SBF1: variants seen among roughly 807,000 people sequenced by gnomAD.
SBF1 encodes myotubularin-related protein 5.
In SBF1, 65 loss-of-function variants were observed where a neutral mutation model predicts 215.8. The ratio of observed to expected loss-of-function variants is 0.30; its 90% confidence interval spans 0.25 to 0.37. The LOEUF (loss-of-function observed/expected upper bound fraction) is 0.37. Ranked by LOEUF, SBF1 falls within the 10% of genes least tolerant of loss-of-function variation. The probability of loss-of-function intolerance (pLI) is 1.00; values close to 1 mark genes in which losing one functional copy is unlikely to be tolerated. For synonymous variants in SBF1, 1,410 were observed against 1,122.8 expected (o/e 1.26, Z -5.11); for missense variants, 2,634 against 2,667.8 (o/e 0.99, Z 0.28).
At chr22:50,463,145 T>C in intron 16 of SBF1, 138 bp downstream of exon 16, 1 of 1,252,678 alleles carries the variant, frequency 8.0e-7, no homozygotes, top group Non-Finnish European at 1.1e-6. Context: ...CCCTGTTCCC[T>C]GCAGACCGAG....
chr22:50,451,698 A>T (rs1404050779), intron 36 of SBF1, among the ~76,000 whole-genome samples: 1 of 152,210 alleles, frequency 6.6e-6, no homozygotes, highest in African/African-American at 2.4e-5. Context: ...ATCTTAAGGC[A>T]GAGAATCAAA....
rs749321273 is a variant in SBF1, at chr22:50,459,991, C to T, written c.3452G>A (p.Arg1151His). ...ATACATGCGGTTGACCGGAGAAATG[C>T]GGAAGGGCTCAGACTTGGCCCGGCT... ...SLSRAKSEPF[R>H]ISPVNRMYAI... is the part of the protein sequence containing the mutation. The change falls in exon 26 of 41, where the codon CGC becomes CAC. Residue 1151 changes from arginine (R) to histidine (H), a missense_variant. Physicochemically the swap from Arg to His is conservative, Grantham distance 29. Coordinates refer to ENST00000380817, the MANE Select transcript of SBF1 (RefSeq NM_002972.4). The T allele has an allele frequency of 6.8e-6, 11 of 1,613,808 alleles. No homozygotes were observed. The East Asian group carries it at 1.3e-4, about 20-fold the overall frequency.
chr22:50,456,768 C>T (rs1466508584), intron 29 of SBF1, 95 bp from the exon 30 acceptor site: 5 of 1,154,340 alleles, frequency 4.3e-6, no homozygotes, highest in Non-Finnish European at 1.2e-6. Context: ...GGGCTGAGCT[C>T]CCAGGGCAGG....
At chr22:50,457,226 C>T in intron 28 of SBF1, 115 bp from the exon 29 acceptor site, 2 of 791,510 alleles carry the variant, frequency 2.5e-6, no homozygotes. Context: ...CTGGAGACAG[C>T]AGGGGTCAGC....
chr22:50,457,014 G>A lies in SBF1; in HGVS notation c.3904+20C>T, dbSNP rs780359252. On this transcript the variant is annotated intron_variant, in intron 29 of 40. Transcript: ENST00000380817. ...GCACCAAGTAAGGGGAGGCGGGCCT[G>A]CGCAGGCTCGGTACGGTACCTCGGG... 3.5e-5 allele frequency: 49 copies of A among 1,414,794 alleles called. No individual in the cohort carries two copies. The highest frequency in any genetic ancestry group is 4.4e-5 in the Non-Finnish European group (48 of 1,084,290). The allele number at this position is 1,414,794 out of a possible 1,614,324, so 87.6% of individuals were successfully genotyped here.
chr22:50,474,094 C>T (rs893976854), intron 1 of SBF1, among the ~76,000 whole-genome samples: 1 of 149,978 alleles, frequency 6.7e-6, no homozygotes, highest in African/African-American at 2.5e-5. Flanking sequence ...GCGCTGACCC[C>T]ACACACAGAC....
Position 50,446,588 on chromosome 22 carries a change from T to C in SBF1, c.*554A>G. On this transcript the variant is annotated 3_prime_UTR_variant, in exon 41 of 41. Transcript: ENST00000380817. ...GACCAGCCCTGAGGCGTGGAGGGAATCAAGCAAGTCCCCAGTGAAGCCTCC... is the reference window on the plus strand; with the variant it reads ...GACCAGCCCTGAGGCGTGGAGGGAACCAAGCAAGTCCCCAGTGAAGCCTCC... 6.0e-6 allele frequency: 2 copies of C among 335,180 alleles called. No individual in the cohort carries two copies. Among genetic ancestry groups the C allele is most frequent in the Non-Finnish European group, 5.9e-6 (1 of 168,964 alleles). 20.8% of individuals were successfully genotyped at this position (335,180 alleles called of 1,614,324 possible).
chr22:50,474,714 T>C, intron 1 of SBF1, 72 bp downstream of exon 1: 5 of 1,003,084 alleles, frequency 5.0e-6, no homozygotes, highest in Non-Finnish European at 6.8e-6. Context: ...CCCTCGACCC[T>C]CAGACCCAGC....
At chr22:50,470,036 G>C (rs557647886) in intron 1 of SBF1, among the ~76,000 whole-genome samples, 3 of 151,916 alleles carry the variant, frequency 2.0e-5, no homozygotes, top group African/African-American at 7.2e-5. Context: ...GGCGGCAGAC[G>C]GGTGGGGGCC....
chr22:50,456,974 C>A, intron 29 of SBF1, 60 bp downstream of exon 29: 1 of 1,316,542 alleles, frequency 7.6e-7, no homozygotes. Context: ...ACTCAGTGCA[C>A]ACTAGAGGCC....
intron 36 of SBF1, among the ~76,000 whole-genome samples, chr22:50,449,904 G>A (rs1278501243): frequency 1.3e-5 from 2 of 152,186 alleles, no homozygotes; most frequent in East Asian, 1.9e-4. Flanking sequence ...TGTCAGACAA[G>A]CAGTGCAGCT....
At position 50,465,945 on chromosome 22, in the gene SBF1, C is replaced by A; in HGVS notation, c.1011+16G>T. ...AAAGGCCCCCAAGGCTCCCGCTTGCCCATGGTGCCCCTCACCATGCTCAGC... is the reference window on the plus strand; with the variant it reads ...AAAGGCCCCCAAGGCTCCCGCTTGCACATGGTGCCCCTCACCATGCTCAGC... On this transcript the variant is annotated intron_variant, in intron 9 of 40. Coordinates refer to ENST00000380817, the MANE Select transcript of SBF1 (RefSeq NM_002972.4). 6.2e-7 allele frequency: 1 copy of A among 1,611,732 alleles called. No homozygotes were observed. The highest frequency in any genetic ancestry group is 1.1e-5 in the South Asian group (1 of 91,040).
rs2067760266 is a variant in SBF1 at position 50,466,457 on chromosome 22, G to A, written c.681C>T (p.Phe227=). The A allele has an allele frequency of 5.8e-6, 9 of 1,550,616 alleles. No individual in the cohort carries two copies. The highest frequency in any genetic ancestry group is 2.0e-5 in the Admixed American group (1 of 51,058). The change falls in exon 7 of 41, where the codon TTC becomes TTT. Residue 227 remains phenylalanine (F), a synonymous_variant. Coordinates refer to ENST00000380817, the MANE Select transcript of SBF1 (RefSeq NM_002972.4). Reference sequence around the variant, plus strand: ...CCTTGTGCTCCGTGAGGGCGGCACAGAACAAAGACAGCACGTTGGTGATGC... The same window carrying A: ...CCTTGTGCTCCGTGAGGGCGGCACAAAACAAAGACAGCACGTTGGTGATGC... ...QLGITNVLSL[F]CAALTEHKVL...
Position 50,465,781 on chromosome 22 carries a change from G to A in SBF1, c.1071C>T (p.Thr357=), listed in dbSNP as rs1191738323. Residue 357 remains threonine, a synonymous_variant, in exon 10 of 41, where the codon ACC becomes ACT. Coordinates refer to ENST00000380817, the MANE Select transcript of SBF1 (RefSeq NM_002972.4). ...DLAFPPPTTS[T]SSLKMQDKEL... ...CCCCCACCTGCATCTTCAGGGAGGA[G>A]GTGGATGTCGTGGGCGGAGGGAAGG... 1.2e-6 allele frequency: 2 copies of A among 1,608,784 alleles called. No individual in the cohort carries two copies. The highest frequency in any genetic ancestry group is 1.3e-5 in the African/African-American group (1 of 74,952).
At chr22:50,469,520 C>A (rs771246596) in intron 1 of SBF1, among the ~76,000 whole-genome samples, 1 of 152,226 alleles carries the variant, frequency 6.6e-6, no homozygotes, top group Non-Finnish European at 1.5e-5. Context: ...GGTGTGGCTC[C>A]CGCAGCAGGA....
At chr22:50,453,545 T>C in intron 36 of SBF1, among the ~76,000 whole-genome samples, 1 of 152,186 alleles carries the variant, frequency 6.6e-6, no homozygotes, top group East Asian at 1.9e-4. Flanking sequence ...CCCAGCACTT[T>C]GGGAGGCCGA....
At position 50,462,925 on chromosome 22, in the gene SBF1, A is replaced by C. The variant is rs2067583246; in HGVS notation, c.1913T>G (p.Leu638Arg). The C allele has an allele frequency of 6.2e-7, 1 of 1,613,056 alleles. No individual in the cohort carries two copies. The part of the protein sequence containing the change: ...MNCCLQDCTS[L>R]DEHGIAAALL... ...AGCCGCCGCAATGCCATGCTCGTCC[A>C]GAGAAGTGCAGTCCTGCAGGTAGAG... The change falls in exon 17 of 41, where the codon CTG becomes CGG. Residue 638 changes from leucine (L) to arginine (R), a missense_variant. Coordinates refer to ENST00000380817, the MANE Select transcript of SBF1 (RefSeq NM_002972.4).
chr22:50,459,292 C>T lies in SBF1; in HGVS notation c.3789G>A (p.Thr1263=), dbSNP rs765489326. Residue 1263 remains threonine, a synonymous_variant, in exon 28 of 41, where the codon ACG becomes ACA. Transcript: ENST00000380817. ...PRYADASGRN[T]LSGFSSAHMG... ...TGTGGGCTGAGGAGAAGCCGCTAAG[C>T]GTGTTGCGTCCCGACGCGTCGGCGT... 3.2e-5 allele frequency: 52 copies of T among 1,610,920 alleles called. No individual in the cohort carries two copies. Among genetic ancestry groups the T allele is most frequent in the Non-Finnish European group, 3.6e-5 (43 of 1,178,090 alleles).
chr22:50,466,532 AGAGT>A (rs1406616385), intron 6 of SBF1, 50 bp from the exon 7 acceptor site: 6 of 1,530,240 alleles, frequency 3.9e-6, no homozygotes, highest in Non-Finnish European at 3.5e-6. Context: ...CCACCCAGGC[AGAGT>A]GAGAACCCAC....
Sources: allele counts gnomAD v4.1 joint callset (sites outside exome capture counted in the v4.1 genomes callset), GRCh38; gene constraint gnomAD v4.1.1; transcripts MANE v1.5; gene names NCBI Gene and HGNC (gene_info 2026-07-23, HGNC 2026-07-21).